The following KAZN variants were observed in gnomAD, a reference collection of about 807,000 sequenced individuals.
KAZN encodes kazrin.
Under a neutral mutation model 87.4 loss-of-function variants are expected in KAZN, and 40 were observed. That is an observed-to-expected ratio of 0.46 (90% CI 0.36 to 0.60). KAZN has a LOEUF of 0.60. Ranked by LOEUF, KAZN falls within the 20% of genes least tolerant of loss-of-function variation. The probability of loss-of-function intolerance (pLI) is 0.00; values close to 1 mark genes in which losing one functional copy is unlikely to be tolerated. For missense variants in KAZN, 898 were observed against 1,073.9 expected (o/e 0.84, Z 2.29); for synonymous variants, 466 against 458.3 (o/e 1.02, Z -0.22).
intron 1 of KAZN, among the ~76,000 whole-genome samples, chr1:14,959,641 G>A (rs934253279): frequency 2.0e-5 from 3 of 152,136 alleles, no homozygotes; most frequent in Non-Finnish European, 4.4e-5. Context: ...GTCCTTCCAC[G>A]GTCTCCTAAG....
chr1:14,037,570 G>A (rs111859014), intron 1 of KAZN, among the ~76,000 whole-genome samples: 20 of 152,312 alleles, frequency 1.3e-4, no homozygotes, highest in South Asian at 2.1e-4. Context: ...AGCAGCTATC[G>A]TGTGGCTTGC....
chr1:14,975,790 G>A (rs765447293), intron 2 of KAZN, among the ~76,000 whole-genome samples: 10 of 152,226 alleles, frequency 6.6e-5, no homozygotes, highest in Admixed American at 3.9e-4. Context: ...CCAGTACTGC[G>A]GGAGGCCGAG....
rs961861887 is a variant in KAZN at position 13,923,301 on chromosome 1, T to C, written c.91+29545T>C. Among the ~76,000 whole-genome samples, 8 of 151,594 alleles carry C rather than the reference T, an allele frequency of 5.3e-5. No individual in the cohort carries two copies. The East Asian group carries it at 1.2e-3, about 22-fold the overall frequency. ...AAAATATAATTACCATGGCTGGGGG[T>C]GGTGGCTCACGCCTGTAATCCCAGC... is the stretch of plus-strand genomic sequence containing the variant. On this transcript the variant is annotated intron_variant, in intron 1 of 16. Transcript: ENST00000636203.
intron 2 of KAZN, chr1:14,350,884 CG>C (rs1658493820): frequency 1.3e-5 from 2 of 152,288 alleles, no homozygotes; most frequent in Admixed American, 1.3e-4. Context: ...TCGAGGTTAG[CG>C]AGTTCTCATG....
chr1:14,899,978 C>A (rs569916661), intron 1 of KAZN, among the ~76,000 whole-genome samples: 1 of 152,338 alleles, frequency 6.6e-6, no homozygotes, highest in Admixed American at 6.5e-5. Context: ...TCTGTCGTCC[C>A]GCATTCTTCT....
At chr1:14,296,438 A>G (rs1157811343) in intron 2 of KAZN, among the ~76,000 whole-genome samples, 2 of 151,930 alleles carry the variant, frequency 1.3e-5, no homozygotes, top group African/African-American at 4.8e-5. Flanking sequence ...GCCTCAGTAC[A>G]TTTCTCATGG....
intron 2 of KAZN, among the ~76,000 whole-genome samples, chr1:14,520,924 C>A (rs1000979237): frequency 6.6e-6 from 1 of 152,184 alleles, no homozygotes; most frequent in African/African-American, 2.4e-5. Flanking sequence ...CTGGGCAGGG[C>A]AGGTTCCCCT....
chr1:14,461,442 T>C (rs1667845750), intron 2 of KAZN, among the ~76,000 whole-genome samples: 1 of 152,186 alleles, frequency 6.6e-6, no homozygotes, highest in African/African-American at 2.4e-5. Context: ...TCTGCCACCA[T>C]GTAAGTCGTG....
intron 2 of KAZN, among the ~76,000 whole-genome samples, chr1:14,413,137 T>C (rs1418738556): frequency 6.7e-6 from 1 of 150,198 alleles, no homozygotes; most frequent in Non-Finnish European, 1.5e-5. Flanking sequence ...GTAGATTAGA[T>C]ACCTACTAGA....
chr1:14,958,076 C>T (rs1663366211), intron 1 of KAZN, among the ~76,000 whole-genome samples: 1 of 152,192 alleles, frequency 6.6e-6, no homozygotes, highest in Non-Finnish European at 1.5e-5. Context: ...GCGCCCCATC[C>T]TCAGGGCTCA....
intron 2 of KAZN, among the ~76,000 whole-genome samples, chr1:14,201,896 G>A (rs923534936): frequency 3.3e-5 from 5 of 152,136 alleles, no homozygotes; most frequent in Admixed American, 2.6e-4. Flanking sequence ...TCAAATTCCC[G>A]ACCTCAGGTG....
At chr1:14,330,500 T>C (rs16853963) in intron 2 of KAZN, among the ~76,000 whole-genome samples, 4,601 of 152,264 alleles carry the variant, frequency 0.03, 247 homozygotes, top group African/African-American at 0.11. Context: ...CCCTTGGAAA[T>C]TTCACTGCAG....
intron 1 of KAZN, among the ~76,000 whole-genome samples, chr1:14,874,416 G>C (rs1652512533): frequency 1.3e-5 from 2 of 152,166 alleles, no homozygotes; most frequent in Admixed American, 1.3e-4. Flanking sequence ...TGTCATTGGT[G>C]ACCTTGAGTT....
intron 1 of KAZN, among the ~76,000 whole-genome samples, chr1:14,059,570 C>T (rs555313284): frequency 4.6e-5 from 7 of 152,226 alleles, no homozygotes; most frequent in South Asian, 2.1e-4. Flanking sequence ...TCCCAGTCCA[C>T]GGACTCAAAA....
At chr1:14,924,053 G>GGGGGC in intron 1 of KAZN, 4 of 898,848 alleles carry the variant, frequency 4.5e-6, no homozygotes, top group Non-Finnish European at 5.3e-6. Flanking sequence ...GCGGCGGGGC[G>GGGGGC]GGGGCGGGGC....
intron 1 of KAZN, among the ~76,000 whole-genome samples, chr1:14,091,027 G>T (rs985793427): frequency 1.3e-5 from 2 of 148,444 alleles, no homozygotes; most frequent in Non-Finnish European, 3.0e-5. Flanking sequence ...CAGGAGAATT[G>T]CTTGAACCCA....
intron 2 of KAZN, among the ~76,000 whole-genome samples, chr1:15,025,395 T>C (rs1671065334): frequency 6.6e-6 from 1 of 152,182 alleles, no homozygotes; most frequent in Non-Finnish European, 1.5e-5. Flanking sequence ...TGGAGTATGC[T>C]GGTAATTGGC....
At chr1:14,661,006 A>C (rs936120236) in intron 1 of KAZN, among the ~76,000 whole-genome samples, 1 of 152,186 alleles carries the variant, frequency 6.6e-6, no homozygotes, top group Non-Finnish European at 1.5e-5. Flanking sequence ...GTCACTGATT[A>C]AGAGGCCAGA....
At chr1:14,624,528 T>G (rs1283783051) in intron 1 of KAZN, among the ~76,000 whole-genome samples, 1 of 152,252 alleles carries the variant, frequency 6.6e-6, no homozygotes, top group Non-Finnish European at 1.5e-5. Context: ...TCTGTCATTA[T>G]GTGCAGAAAT....
Sources: gnomAD v4.1 joint callset for allele counts (sites outside exome capture counted in the v4.1 genomes callset) on GRCh38, gnomAD v4.1.1 for gene constraint, MANE v1.5 for transcripts, NCBI Gene and HGNC (gene_info 2026-07-23, HGNC 2026-07-21) for gene names.